The following ZKSCAN1 variants were observed in gnomAD, a reference collection of about 807,000 sequenced individuals.
The protein encoded by ZKSCAN1 is zinc finger with KRAB and SCAN domains 1, also known as zinc finger protein with KRAB and SCAN domains 1.
A neutral mutation model predicts 51.6 loss-of-function variants in ZKSCAN1; 14 were observed. That is an observed-to-expected ratio of 0.27 (90% CI 0.18 to 0.42). The LOEUF (loss-of-function observed/expected upper bound fraction) is 0.42, where lower values mean the gene tolerates loss of function less well. Ranked by LOEUF, ZKSCAN1 falls within the 10% of genes least tolerant of loss-of-function variation. The pLI is 1.00. For missense variants in ZKSCAN1, 531 were observed against 710.0 expected (o/e 0.75, Z 2.86); for synonymous variants, 263 against 261.5 (o/e 1.01, Z -0.06).
In ZKSCAN1 at chr7:100,024,276, G is replaced by A. The variant is rs762080657; in HGVS notation, c.549G>A (p.Ser183=). 100 of 1,613,802 alleles carry A rather than the reference G, an allele frequency of 6.2e-5. No individual in the cohort carries two copies. Among genetic ancestry groups the A allele is most frequent in the Non-Finnish European group, 8.2e-5 (97 of 1,180,012 alleles). The stretch of plus-strand genomic sequence containing the variant: ...CCACCCAGTCCCACTTCAAACATTC[G>A]TCTCGGAAACCCCGCCTCTTACAGT... ...HEATQSHFKH[S]SRKPRLLQSR... Residue 183 remains serine (S), a synonymous_variant, in exon 3 of 6, where the codon TCG becomes TCA. Coordinates refer to ENST00000324306, the MANE Select transcript of ZKSCAN1 (RefSeq NM_003439.4).
chr7:100,027,310 A>G (rs564820675), intron 3 of ZKSCAN1, among the ~76,000 whole-genome samples: 45 of 151,672 alleles, frequency 3.0e-4, no homozygotes, highest in Admixed American at 1.4e-3. Context: ...AAAAAAAAAA[A>G]GAATTGGTCG....
chr7:100,042,338 A>AAAAAG (rs1554355805), downstream of ZKSCAN1, among the ~76,000 whole-genome samples: 2 of 139,112 alleles, frequency 1.4e-5, no homozygotes, highest in South Asian at 2.3e-4. Flanking sequence ...AAAAAAAAAA[A>AAAAAG]GGTGAACTGG....
intron 3 of ZKSCAN1, among the ~76,000 whole-genome samples, chr7:100,027,564 C>T (rs552844736): frequency 5.3e-5 from 8 of 151,488 alleles, no homozygotes; most frequent in Admixed American, 2.6e-4. Context: ...TCCTGGCTAA[C>T]GGTGAAACCC....
In ZKSCAN1 at chr7:100,039,573, T is replaced by A; in HGVS notation, c.*5376T>A. ...CTGTGAAAGAATCTTTTTTTAATTT[T>A]TATCCTAGAGTCAGTCACTTTTATT... On this transcript the variant is annotated 3_prime_UTR_variant, in exon 6 of 6. Coordinates refer to ENST00000324306, the MANE Select transcript of ZKSCAN1 (RefSeq NM_003439.4). 1.0e-6 allele frequency: 1 copy of A among 985,450 alleles called. No individual in the cohort carries two copies. The highest frequency in any genetic ancestry group is 1.2e-6 in the Non-Finnish European group (1 of 829,926). 61.0% of individuals were successfully genotyped at this position (985,450 alleles called of 1,614,324 possible). A position where few individuals can be genotyped will look rare whatever the true frequency, so the allele number is the denominator to read the frequency against.
At chr7:100,042,964 A>G (rs991212435), downstream of ZKSCAN1, among the ~76,000 whole-genome samples, 20 of 151,912 alleles carry the variant, frequency 1.3e-4, no homozygotes, top group Non-Finnish European at 4.4e-5. Flanking sequence ...TGCCCGGCTA[A>G]CTTTTTTTGT....
intron 3 of ZKSCAN1, among the ~76,000 whole-genome samples, chr7:100,027,183 G>T (rs1015430610): frequency 6.6e-6 from 1 of 151,830 alleles, no homozygotes; most frequent in Middle Eastern, 3.2e-3. Flanking sequence ...TGTAATCGCA[G>T]CTACTCAGGA....
chr7:100,030,537 C>G (rs1002560729), intron 5 of ZKSCAN1, among the ~76,000 whole-genome samples, 162 bp downstream of exon 5: 3 of 152,100 alleles, frequency 2.0e-5, no homozygotes, highest in African/African-American at 7.2e-5. Flanking sequence ...TCATTTAACT[C>G]CAGAAGCATG....
downstream of ZKSCAN1, chr7:100,044,952 G>A: frequency 1.0e-6 from 1 of 985,380 alleles, no homozygotes; most frequent in Non-Finnish European, 1.2e-6. Flanking sequence ...AATAGGTGAT[G>A]ATGAGAACGA....
chr7:100,034,351 CCT>C lies in ZKSCAN1; in HGVS notation c.*155_*156del. On this transcript the variant is annotated 3_prime_UTR_variant, in exon 6 of 6. Coordinates refer to ENST00000324306, the MANE Select transcript of ZKSCAN1 (RefSeq NM_003439.4). ...TTCTAGTCACATCAGCAGTGTTCTG[CCT>C]TTATGTAGTAGTTGGGCATATAATC... 7.1e-7 allele frequency: 1 copy of C among 1,399,628 alleles called. No individual in the cohort carries two copies. 86.7% of individuals were successfully genotyped at this position (1,399,628 alleles called of 1,614,324 possible).
rs1469827984 is a variant in ZKSCAN1, at chr7:100,041,225, G to C, written c.*7028G>C. 3.3e-5 allele frequency: 27 copies of C among 810,500 alleles called. No individual in the cohort carries two copies. Among genetic ancestry groups the C allele is most frequent in the Non-Finnish European group, 3.9e-5 (26 of 670,476 alleles). The allele number at this position is 810,500 out of a possible 1,614,324, so 50.2% of individuals were successfully genotyped here. On this transcript the variant is annotated 3_prime_UTR_variant, in exon 6 of 6. Transcript: ENST00000324306. ...CAAAAGAAGAAACGTGCTTGTCTCT[G>C]TATACCCGCAGAATGAAGTTACTGT...
At chr7:100,018,139 G>A (rs1413035973) in intron 1 of ZKSCAN1, among the ~76,000 whole-genome samples, 2 of 152,136 alleles carry the variant, frequency 1.3e-5, no homozygotes, top group African/African-American at 2.4e-5. Flanking sequence ...GCCTAAGGCC[G>A]TCAACTAGTA....
intron 1 of ZKSCAN1, among the ~76,000 whole-genome samples, chr7:100,016,432 A>G (rs768320150): frequency 6.6e-6 from 1 of 152,118 alleles, no homozygotes; most frequent in Non-Finnish European, 1.5e-5. Flanking sequence ...TCTGTTTGAC[A>G]TGGAGTGGGG....
In ZKSCAN1 at chr7:100,041,402, C is replaced by T; in HGVS notation, c.*7205C>T. On this transcript the variant is annotated 3_prime_UTR_variant, in exon 6 of 6. Coordinates refer to ENST00000324306, the MANE Select transcript of ZKSCAN1 (RefSeq NM_003439.4). ...GACTTCTTTCAATAAATAATGGAAT[C>T]TTAGAGGAAAAGTGGTTTTTTAAAA... The T allele has an allele frequency of 3.0e-6, 3 of 985,180 alleles. No individual in the cohort carries two copies. Among genetic ancestry groups the T allele is most frequent in the Non-Finnish European group, 2.4e-6 (2 of 829,880 alleles). 61.0% of individuals were successfully genotyped at this position (985,180 alleles called of 1,614,324 possible). A position where few individuals can be genotyped will look rare whatever the true frequency, so the allele number is the denominator to read the frequency against.
At chr7:100,016,537 T>C (rs1790373444) in intron 1 of ZKSCAN1, among the ~76,000 whole-genome samples, 1 of 152,176 alleles carries the variant, frequency 6.6e-6, no homozygotes. Flanking sequence ...CACCAAGTCT[T>C]AATTTCGTCA....
At position 100,040,331 on chromosome 7, in the gene ZKSCAN1, A is replaced by G. The variant is rs1195407158; in HGVS notation, c.*6134A>G. 1.0e-6 allele frequency: 1 copy of G among 985,464 alleles called. No individual in the cohort carries two copies. Among genetic ancestry groups the G allele is most frequent in the Non-Finnish European group, 1.2e-6 (1 of 829,944 alleles). The allele number at this position is 985,464 out of a possible 1,614,324, so 61.0% of individuals were successfully genotyped here. A position where few individuals can be genotyped will look rare whatever the true frequency, so the allele number is the denominator to read the frequency against. Reference sequence around the variant, plus strand: ...GACTTCTAAATCATGGTCTCTGACAATTTGAATCTGAGATTCTCACCTCCA... The same window carrying G: ...GACTTCTAAATCATGGTCTCTGACAGTTTGAATCTGAGATTCTCACCTCCA... On this transcript the variant is annotated 3_prime_UTR_variant, in exon 6 of 6. Coordinates refer to ENST00000324306, the MANE Select transcript of ZKSCAN1 (RefSeq NM_003439.4).
rs768339370 is a variant in ZKSCAN1 at position 100,033,599 on chromosome 7, C to G, written c.1094C>G (p.Thr365Ser). ...GRSFSLSSNF[T>S]TPEEVPTGTK... ...AGCTTCAGTCTGAGCTCCAACTTCA[C>G]CACCCCTGAAGAAGTTCCCACGGGA... Residue 365 changes from threonine to serine, a missense_variant, in exon 6 of 6, where the codon ACC (threonine) becomes AGC (serine). By Grantham distance (58) the Thr-to-Ser change is moderately conservative. Around this residue, in one of 2 missense-constraint regions of ZKSCAN1, gnomAD observed 403 missense variants for 490.5 expected, o/e 0.82. Transcript: ENST00000324306. The surrounding 1 kb of genome is among the most constrained non-coding windows in gnomAD (Gnocchi z 4.1). The G allele has an allele frequency of 1.2e-5, 19 of 1,614,170 alleles. No individual in the cohort carries two copies. The South Asian group carries it at 1.9e-4, about 16-fold the overall frequency.
chr7:100,044,199 T>A (rs562459651), downstream of ZKSCAN1, among the ~76,000 whole-genome samples: 1 of 152,266 alleles, frequency 6.6e-6, no homozygotes, highest in East Asian at 1.9e-4. Flanking sequence ...ATGTTTCCTC[T>A]TGATCATTTT....
chr7:100,030,461 G>A, intron 5 of ZKSCAN1, 86 bp downstream of exon 5: 3 of 1,482,246 alleles, frequency 2.0e-6, no homozygotes, highest in Non-Finnish European at 2.7e-6. Context: ...GTTCAATTGA[G>A]TGTTGAGGAG....
Position 100,037,647 on chromosome 7 carries a change from C to G in ZKSCAN1, c.*3450C>G. 1.0e-6 allele frequency: 1 copy of G among 985,436 alleles called. No individual in the cohort carries two copies. 61.0% of individuals were successfully genotyped at this position (985,436 alleles called of 1,614,324 possible). A position where few individuals can be genotyped will look rare whatever the true frequency, so the allele number is the denominator to read the frequency against. On this transcript the variant is annotated 3_prime_UTR_variant, in exon 6 of 6. Coordinates refer to ENST00000324306, the MANE Select transcript of ZKSCAN1 (RefSeq NM_003439.4). ...ATGTGAGGAAAACTTTCATGTATAGCACTCATTGCTTCAGACAGAAAATGA... is the reference window on the plus strand; with the variant it reads ...ATGTGAGGAAAACTTTCATGTATAGGACTCATTGCTTCAGACAGAAAATGA...
Sources: gnomAD v4.1 joint callset for allele counts (sites outside exome capture counted in the v4.1 genomes callset) on GRCh38, gnomAD v4.1.1 for gene constraint, gnomAD v4.1.1 regional missense constraint, Gnocchi (gnomAD v3.1) non-coding constraint, MANE v1.5 for transcripts, NCBI Gene and HGNC (gene_info 2026-07-23, HGNC 2026-07-21) for gene names.